Variants in GTF2H1 observed in about 807,000 individuals in gnomAD.
The protein encoded by GTF2H1 is BTF2 p62.
GTF2H1 carries 16 observed loss-of-function variants against 71.2 expected under a neutral mutation model. That is an observed-to-expected ratio of 0.22 (90% confidence interval 0.15 to 0.34). The LOEUF (loss-of-function observed/expected upper bound fraction) is 0.34. Among genes scored for constraint, GTF2H1 ranks in the 10% least tolerant of loss-of-function variants. The pLI is 1.00. For synonymous variants in GTF2H1, 215 were observed against 219.0 expected, an observed-to-expected ratio of 0.98 and a Z score of 0.16; for missense variants, 498 against 648.2, an observed-to-expected ratio of 0.77 and a Z score of 2.52.
intron 1 of GTF2H1, among the ~76,000 whole-genome samples, chr11:18,327,878 C>T (rs1395640139): frequency 1.3e-5 from 2 of 152,172 alleles, no homozygotes; most frequent in Non-Finnish European, 2.9e-5. Context: ...CGTGAGCCAC[C>T]CTGCCCAGCC....
rs781284482 is a variant in GTF2H1 at position 18,347,602 on chromosome 11, C to G, written c.852C>G (p.Ser284=). The stretch of plus-strand genomic sequence containing the variant: ...ATTTCTCACAGGGCTATGGCATTTC[C>G]TCTGTGCCATCTGCTTCCAATTCTA... ...DKPLDEGYGI[S]SVPSASNSKS... The change falls in exon 8 of 15, where the codon TCC becomes TCG. Residue 284 remains serine, a synonymous_variant. Transcript: ENST00000265963. 1.9e-6 allele frequency: 3 copies of G among 1,608,770 alleles called. No individual in the cohort carries two copies. The highest frequency in any genetic ancestry group is 2.6e-6 in the Non-Finnish European group (3 of 1,176,470).
chr11:18,339,009 A>G (rs1590186797), intron 4 of GTF2H1, among the ~76,000 whole-genome samples: 2 of 152,166 alleles, frequency 1.3e-5, no homozygotes, highest in East Asian at 3.9e-4. Flanking sequence ...ATTATAGAAA[A>G]TGTAAGATTT....
intron 13 of GTF2H1, among the ~76,000 whole-genome samples, chr11:18,359,400 A>T (rs977789483): frequency 6.6e-6 from 1 of 152,196 alleles, no homozygotes; most frequent in South Asian, 2.1e-4. Flanking sequence ...TAAATTTTTT[A>T]AAAGAATATT....
intron 11 of GTF2H1, among the ~76,000 whole-genome samples, chr11:18,355,244 G>A (rs566039342): frequency 5.9e-5 from 9 of 151,488 alleles, no homozygotes; most frequent in African/African-American, 1.2e-4. Context: ...CCAGGTTCAC[G>A]CCATTCTCCT....
intron 11 of GTF2H1, among the ~76,000 whole-genome samples, chr11:18,355,081 A>T (rs914481458): frequency 6.6e-6 from 1 of 151,256 alleles, no homozygotes; most frequent in African/African-American, 2.4e-5. Flanking sequence ...AAGTGCTGAG[A>T]TTACAGGCCG....
At chr11:18,358,666 A>G in intron 13 of GTF2H1, 26 bp downstream of exon 13, 2 of 1,364,408 alleles carry the variant, frequency 1.5e-6, no homozygotes, top group Non-Finnish European at 2.1e-6. Context: ...GAAGACAGCC[A>G]GATAATTGTG....
At chr11:18,327,361 A>G (rs866172847) in intron 1 of GTF2H1, among the ~76,000 whole-genome samples, 5 of 151,844 alleles carry the variant, frequency 3.3e-5, no homozygotes, top group African/African-American at 7.2e-5. Flanking sequence ...TTTGGTATCT[A>G]TCCCTTCATT....
In GTF2H1 at chr11:18,360,413, G is replaced by A. The variant is rs535976191; in HGVS notation, c.1468-202G>A. The stretch of plus-strand genomic sequence containing the variant: ...TGGGATTACAGGCGTGAGCCACCAC[G>A]TCTGGCCAAATGAGTATTTATGACT... On this transcript the variant is annotated intron_variant, in intron 13 of 14. Transcript: ENST00000265963. Among the ~76,000 whole-genome samples, 105 of 152,192 alleles carry A rather than the reference G, an allele frequency of 6.9e-4. 1 individual carries two copies. In the South Asian group the frequency reaches 0.018, roughly 26 times the overall value.
At chr11:18,333,418 T>C (rs192931346) in intron 2 of GTF2H1, 190 bp downstream of exon 2, 16 of 419,112 alleles carry the variant, frequency 3.8e-5, no homozygotes, top group Non-Finnish European at 6.7e-5. Context: ...AGGTACAGGT[T>C]TACATATAAT....
intron 7 of GTF2H1, among the ~76,000 whole-genome samples, chr11:18,344,100 CA>C (rs1400367989): frequency 5.3e-5 from 8 of 152,162 alleles, no homozygotes; most frequent in African/African-American, 1.9e-4. Flanking sequence ...GCTGAGATTA[CA>C]GGCGTGAACC....
chr11:18,364,300 C>G (rs1413202955), intron 14 of GTF2H1, among the ~76,000 whole-genome samples: 1 of 152,090 alleles, frequency 6.6e-6, no homozygotes, highest in African/African-American at 2.4e-5. Flanking sequence ...CATTGACATG[C>G]CAAAGGAATT....
chr11:18,328,356 A>G lies in GTF2H1; in HGVS notation c.-15-4704A>G, dbSNP rs189290230. ...CGAAACCCCGTCTCTACTAAAAAAT[A>G]CAAAAATTAGCCGGGCGTGGTGGCA... On this transcript the variant is annotated intron_variant, in intron 1 of 14. Coordinates refer to ENST00000265963, the MANE Select transcript of GTF2H1 (RefSeq NM_005316.4). Among the ~76,000 whole-genome samples the G allele has an allele frequency of 2.9e-3, 435 of 151,246 alleles. 3 individuals are homozygous for G. Among genetic ancestry groups the G allele is most frequent in the African/African-American group, 0.01 (421 of 41,098 alleles).
chr11:18,361,441 C>T (rs1425542668), intron 14 of GTF2H1, among the ~76,000 whole-genome samples: 1 of 152,096 alleles, frequency 6.6e-6, no homozygotes, highest in African/African-American at 2.4e-5. Flanking sequence ...CCAAGGCAGG[C>T]TGATCACTTG....
chr11:18,338,626 T>C (rs532613222), intron 4 of GTF2H1, among the ~76,000 whole-genome samples: 8 of 152,164 alleles, frequency 5.3e-5, no homozygotes, highest in Middle Eastern at 3.4e-3. Flanking sequence ...CTTATTTTTA[T>C]AGGGCGGGGG....
At chr11:18,345,266 C>T (rs1391261317) in intron 7 of GTF2H1, among the ~76,000 whole-genome samples, 1 of 151,972 alleles carries the variant, frequency 6.6e-6, no homozygotes, top group African/African-American at 2.4e-5. Context: ...TCTCTAACCA[C>T]CCACAAATTC....
rs183887212 is a variant in GTF2H1 at position 18,354,946 on chromosome 11, C to T, written c.1260+2500C>T. On this transcript the variant is annotated intron_variant, in intron 11 of 14. Coordinates refer to ENST00000265963, the MANE Select transcript of GTF2H1 (RefSeq NM_005316.4). ...ACCTCAGCCCCCCAAGTAGCTGAAA[C>T]CACAGGCACTCACCACCATGCCTGG... Among the ~76,000 whole-genome samples, 32 of 151,836 alleles carry T rather than the reference C, an allele frequency of 2.1e-4. No individual in the cohort carries two copies. The East Asian group carries it at 3.9e-3, about 18-fold the overall frequency.
intron 13 of GTF2H1, among the ~76,000 whole-genome samples, chr11:18,359,384 CATAA>C (rs1361338896): frequency 6.6e-6 from 1 of 152,134 alleles, no homozygotes; most frequent in African/African-American, 2.4e-5. Context: ...CCAAAAAATA[CATAA>C]ATAAATTTTT....
At chr11:18,349,688 AAAAAT>A (rs1292783188) in intron 9 of GTF2H1, among the ~76,000 whole-genome samples, 16 of 151,986 alleles carry the variant, frequency 1.1e-4, no homozygotes, top group African/African-American at 3.9e-4. Flanking sequence ...ATCTCAAAGA[AAAAAT>A]AAAAAAGAAA....
chr11:18,336,262 G>T (rs1362423075), intron 3 of GTF2H1, among the ~76,000 whole-genome samples: 1 of 151,894 alleles, frequency 6.6e-6, no homozygotes. Flanking sequence ...GAGTAGCTGG[G>T]ACTACAGGCA....
Sources: allele counts gnomAD v4.1 joint callset (sites outside exome capture counted in the v4.1 genomes callset), GRCh38; gene constraint gnomAD v4.1.1; transcripts MANE v1.5; gene names NCBI Gene and HGNC (gene_info 2026-07-23, HGNC 2026-07-21).